The following JPH3 variants were observed in gnomAD, a reference collection of about 807,000 sequenced individuals.
JPH3 encodes the protein junctophilin-3.
A neutral mutation model predicts 59.6 loss-of-function variants in JPH3; 11 were observed. That is an observed-to-expected ratio of 0.18 (90% confidence interval 0.12 to 0.31). The LOEUF is 0.31. Among genes scored for constraint, JPH3 ranks in the 10% least tolerant of loss-of-function variants. The pLI is 1.00. For synonymous variants in JPH3, 673 were observed against 483.6 expected, an observed-to-expected ratio of 1.39 and a Z score of -5.14; for missense variants, 1,202 against 1,105.7, an observed-to-expected ratio of 1.09 and a Z score of -1.24.
In JPH3 at chr16:87,690,246, G is replaced by A. The variant is rs373622670; in HGVS notation, c.1886G>A (p.Arg629His). The A allele has an allele frequency of 1.2e-6, 2 of 1,604,660 alleles. No homozygotes were observed. Among genetic ancestry groups the A allele is most frequent in the South Asian group, 1.1e-5 (1 of 89,680 alleles). The change falls in exon 4 of 5, where the codon CGC becomes CAC. Residue 629 changes from arginine to histidine, a missense_variant. By Grantham distance (29) the Arg-to-His change is conservative. Transcript: ENST00000284262. ...LRMETHPQKR[R>H]YSKGGACRGL... is the part of the protein sequence containing the mutation. ...ATGGAGACGCATCCCCAGAAAAGACGCTACAGCAAGGGCGGCGCCTGCCGG... is the reference window on the plus strand; with the variant it reads ...ATGGAGACGCATCCCCAGAAAAGACACTACAGCAAGGGCGGCGCCTGCCGG...
intron 2 of JPH3, among the ~76,000 whole-genome samples, chr16:87,674,334 A>G (rs2033092589): frequency 6.6e-6 from 1 of 152,182 alleles, no homozygotes; most frequent in South Asian, 2.1e-4. Flanking sequence ...CTCCGTCTCA[A>G]AAAAAAACAA....
chr16:87,660,357 G>C (rs1261834059), intron 2 of JPH3, among the ~76,000 whole-genome samples: 1 of 152,124 alleles, frequency 6.6e-6, no homozygotes, highest in Non-Finnish European at 1.5e-5. Context: ...CTGGGAGTGA[G>C]GTTTCCTGGG....
In JPH3 at chr16:87,674,343, A is replaced by G. The variant is rs186710972; in HGVS notation, c.1161-9799A>G. On this transcript the variant is annotated intron_variant, in intron 2 of 4. Coordinates refer to ENST00000284262, the MANE Select transcript of JPH3 (RefSeq NM_020655.4). ...GCGAGACTCCGTCTCAAAAAAAAAC[A>G]AAAACAAAAAAAAGCAGGGGCAGAA... Among the ~76,000 whole-genome samples, 21 of 151,406 alleles carry G rather than the reference A, an allele frequency of 1.4e-4. No homozygotes were observed. In the East Asian group the frequency reaches 3.7e-3, roughly 27 times the overall value.
At chr16:87,687,603 C>T (rs1484642868) in intron 3 of JPH3, among the ~76,000 whole-genome samples, 1 of 151,924 alleles carries the variant, frequency 6.6e-6, no homozygotes, top group Non-Finnish European at 1.5e-5. Flanking sequence ...TCGGAGGCTG[C>T]AGGACGCAGG....
At chr16:87,628,722 C>T (rs901188074) in intron 1 of JPH3, among the ~76,000 whole-genome samples, 1 of 152,140 alleles carries the variant, frequency 6.6e-6, no homozygotes, top group Non-Finnish European at 1.5e-5. Flanking sequence ...TAGCGTGGCC[C>T]GGATGTGTGG....
At chr16:87,661,987 T>C (rs549009603) in intron 2 of JPH3, among the ~76,000 whole-genome samples, 20 of 152,362 alleles carry the variant, frequency 1.3e-4, no homozygotes, top group Non-Finnish European at 2.8e-4. Context: ...TCCTGTTATT[T>C]AGTATGTTAA....
In JPH3 at chr16:87,657,976, C is replaced by T. The variant is rs146583935; in HGVS notation, c.1160+12941C>T. Reference sequence around the variant, plus strand: ...TACCAACCTGGCCTCACAGTGGTCACGCTCCAGGACATAAATGTCCCCTCT... The same window carrying T: ...TACCAACCTGGCCTCACAGTGGTCATGCTCCAGGACATAAATGTCCCCTCT... On this transcript the variant is annotated intron_variant, in intron 2 of 4. Transcript: ENST00000284262. Among the ~76,000 whole-genome samples, 126 of 152,262 alleles carry T rather than the reference C, an allele frequency of 8.3e-4. No individual in the cohort carries two copies. The East Asian group carries it at 8.3e-3, about 10-fold the overall frequency.
chr16:87,687,846 C>T (rs1003714681), intron 3 of JPH3, among the ~76,000 whole-genome samples: 3 of 152,038 alleles, frequency 2.0e-5, no homozygotes, highest in Non-Finnish European at 2.9e-5. Context: ...GGGGCGCCAT[C>T]GGGGGATGGG....
At position 87,690,290 on chromosome 16, in the gene JPH3, C is replaced by T. The variant is rs778971502; in HGVS notation, c.1930C>T (p.Arg644Cys). 9 of 1,598,700 alleles carry T rather than the reference C, an allele frequency of 5.6e-6. No individual in the cohort carries two copies. Among genetic ancestry groups the T allele is most frequent in the East Asian group, 2.3e-5 (1 of 44,124 alleles). ...GACRGLGDDH[R>C]PEDRGFGVQR... ...CTGCCGGGGCTTGGGGGACGACCAC[C>T]GCCCCGAGGACCGGGGCTTCGGGGT... The change falls in exon 4 of 5, where the codon CGC becomes TGC. Residue 644 changes from arginine to cysteine, a missense_variant. Physicochemically the swap from Arg to Cys is radical, Grantham distance 180. Transcript: ENST00000284262.
At position 87,690,158 on chromosome 16, in the gene JPH3, C is replaced by T. The variant is rs970453336; in HGVS notation, c.1798C>T (p.Leu600=). 49 of 1,598,372 alleles carry T rather than the reference C, an allele frequency of 3.1e-5. No homozygotes were observed. In the East Asian group the frequency reaches 1.1e-3, roughly 36 times the overall value. Residue 600 remains leucine, a synonymous_variant, in exon 4 of 5, where the codon CTG becomes TTG. Coordinates refer to ENST00000284262, the MANE Select transcript of JPH3 (RefSeq NM_020655.4). ...ASNHSPGGSR[L]LELQEEKLSN... ...CAACCACAGCCCCGGAGGCTCCAGG[C>T]TGCTGGAGCTGCAGGAGGAGAAGCT...
At chr16:87,667,151 C>A (rs1433643855) in intron 2 of JPH3, among the ~76,000 whole-genome samples, 2 of 152,226 alleles carry the variant, frequency 1.3e-5, no homozygotes, top group African/African-American at 4.8e-5. Context: ...TTGCTGCTGT[C>A]TCCCTCGTCA....
chr16:87,602,927 C>T lies in JPH3; in HGVS notation c.-220C>T. ...GGGAGCGCGAGACGCTGGTCAGGCT[C>T]CGCGGCGCAGCTCGAAAAGGAATAA... On this transcript the variant is annotated 5_prime_UTR_variant, in exon 1 of 5. Transcript: ENST00000284262. 2.4e-6 allele frequency: 1 copy of T among 409,358 alleles called. No homozygotes were observed. 25.4% of individuals were successfully genotyped at this position (409,358 alleles called of 1,614,324 possible).
chr16:87,615,032 C>A (rs555592413), intron 1 of JPH3, among the ~76,000 whole-genome samples: 27 of 134,136 alleles, frequency 2.0e-4, no homozygotes, highest in African/African-American at 7.1e-4. Context: ...AGGAGCCGCG[C>A]GTCCCCTCCC....
chr16:87,670,159 A>T (rs1478631546), intron 2 of JPH3, among the ~76,000 whole-genome samples: 1 of 152,120 alleles, frequency 6.6e-6, no homozygotes, highest in East Asian at 1.9e-4. Context: ...CGGGGTCTGC[A>T]CCGGCCGATG....
At position 87,644,521 on chromosome 16, in the gene JPH3, C is replaced by A. The variant is rs1264044529; in HGVS notation, c.646C>A (p.Arg216=). ...ILKSKKKGLF[R]RSLLSGLKLR... ...CAAGAGCAAGAAGAAGGGGCTGTTT[C>A]GGCGCTCGCTGCTGAGTGGGCTGAA... is the stretch of plus-strand genomic sequence containing the variant. Residue 216 remains arginine, a synonymous_variant, in exon 2 of 5, where the codon CGG becomes AGG. Coordinates refer to ENST00000284262, the MANE Select transcript of JPH3 (RefSeq NM_020655.4). The A allele has an allele frequency of 6.2e-7, 1 of 1,612,908 alleles. No individual in the cohort carries two copies. Among genetic ancestry groups the A allele is most frequent in the Admixed American group, 1.7e-5 (1 of 60,020 alleles).
intron 4 of JPH3, among the ~76,000 whole-genome samples, chr16:87,692,360 T>G (rs1372332797): frequency 6.6e-6 from 1 of 152,222 alleles, no homozygotes; most frequent in Admixed American, 6.5e-5. Context: ...CCGGCATCCA[T>G]GTCAGGGGAC....
chr16:87,616,726 G>A (rs1463805216), intron 1 of JPH3, among the ~76,000 whole-genome samples: 4 of 152,146 alleles, frequency 2.6e-5, no homozygotes, highest in African/African-American at 9.7e-5. Flanking sequence ...AGTCAGGATG[G>A]GGAGCACCCG....
At chr16:87,609,275 T>TATCTGTTTTGA (rs943598344) in intron 1 of JPH3, among the ~76,000 whole-genome samples, 1 of 152,194 alleles carries the variant, frequency 6.6e-6, no homozygotes, top group African/African-American at 2.4e-5. Flanking sequence ...TTTATTTATT[T>TATCTGTTTTGA]ATCTGTTTTG....
At chr16:87,683,451 C>A (rs993344265) in intron 2 of JPH3, among the ~76,000 whole-genome samples, 1 of 151,910 alleles carries the variant, frequency 6.6e-6, no homozygotes, top group Non-Finnish European at 1.5e-5. Flanking sequence ...ATTACAGGCA[C>A]GTGCCACAAC....
Sources: gnomAD v4.1 joint callset for allele counts (sites outside exome capture counted in the v4.1 genomes callset) on GRCh38, gnomAD v4.1.1 for gene constraint, MANE v1.5 for transcripts, NCBI Gene and HGNC (gene_info 2026-07-23, HGNC 2026-07-21) for gene names.